The following REEP3 variants were observed in gnomAD, a reference collection of about 807,000 sequenced individuals.
The protein encoded by REEP3 is receptor expression-enhancing protein 3.
A neutral mutation model predicts 41.3 loss-of-function variants in REEP3; 20 were observed. That is an observed-to-expected ratio of 0.48 (90% CI 0.34 to 0.70). REEP3 has a LOEUF of 0.70. Ranked by LOEUF, REEP3 falls within the 30% of genes least tolerant of loss-of-function variation. REEP3 has a pLI of 0.01. For synonymous variants in REEP3, 104 were observed against 101.8 expected (o/e 1.02, Z -0.13); for missense variants, 271 against 308.8 (o/e 0.88, Z 0.92).
chr10:63,578,805 C>A (rs1233591488), intron 2 of REEP3, among the ~76,000 whole-genome samples: 1 of 152,102 alleles, frequency 6.6e-6, no homozygotes, highest in African/African-American at 2.4e-5. Flanking sequence ...TAAAGTAATA[C>A]ATACTGTCGT....
chr10:63,553,335 C>A (rs1955647124), intron 1 of REEP3, among the ~76,000 whole-genome samples: 2 of 151,660 alleles, frequency 1.3e-5, no homozygotes, highest in African/African-American at 4.8e-5. Flanking sequence ...GTTTCCAAAT[C>A]ATCACAAATT....
intron 1 of REEP3, among the ~76,000 whole-genome samples, chr10:63,540,259 A>C (rs1955516814): frequency 6.6e-6 from 1 of 152,228 alleles, no homozygotes; most frequent in Non-Finnish European, 1.5e-5. Context: ...TGGAAATGCA[A>C]TTTATATTTC....
At chr10:63,569,870 A>G (rs1347652822) in intron 2 of REEP3, among the ~76,000 whole-genome samples, 1 of 152,098 alleles carries the variant, frequency 6.6e-6, no homozygotes, top group Non-Finnish European at 1.5e-5. Flanking sequence ...TGAGCCTGGG[A>G]GTCGAGACTA....
At chr10:63,600,883 G>A (rs1309245861) in intron 5 of REEP3, among the ~76,000 whole-genome samples, 1 of 151,960 alleles carries the variant, frequency 6.6e-6, no homozygotes, top group Non-Finnish European at 1.5e-5. Flanking sequence ...GCCAGGCACA[G>A]TGGCTCACAC....
intron 6 of REEP3, among the ~76,000 whole-genome samples, chr10:63,612,417 G>T (rs909432225): frequency 1.9e-4 from 29 of 151,826 alleles, no homozygotes; most frequent in Admixed American, 1.6e-3. Context: ...AGCAGTCTGT[G>T]TGTCTTGGCC....
At chr10:63,558,016 T>C (rs1955705365) in intron 1 of REEP3, among the ~76,000 whole-genome samples, 1 of 152,220 alleles carries the variant, frequency 6.6e-6, no homozygotes, top group Non-Finnish European at 1.5e-5. Context: ...TGAAATTTCA[T>C]ATGTAGGGAT....
chr10:63,609,780 TATAA>T (rs1415632280), intron 5 of REEP3, among the ~76,000 whole-genome samples: 3 of 151,764 alleles, frequency 2.0e-5, no homozygotes, highest in Non-Finnish European at 4.4e-5. Flanking sequence ...AATAAATAAA[TATAA>T]ATAAATAAAA....
intron 5 of REEP3, among the ~76,000 whole-genome samples, chr10:63,604,650 T>TAA (rs933051037): frequency 6.6e-6 from 1 of 150,828 alleles, no homozygotes; most frequent in South Asian, 2.1e-4. Flanking sequence ...ATTATACACT[T>TAA]AAAAAAAAAG....
chr10:63,598,802 A>G (rs1956143801), intron 4 of REEP3, among the ~76,000 whole-genome samples: 2 of 150,704 alleles, frequency 1.3e-5, no homozygotes, highest in Non-Finnish European at 3.0e-5. Context: ...AAAAAAAAGA[A>G]GCGCCTGGGC....
intron 6 of REEP3, among the ~76,000 whole-genome samples, chr10:63,611,762 G>T (rs1288971805): frequency 6.6e-6 from 1 of 150,792 alleles, no homozygotes; most frequent in African/African-American, 2.4e-5. Flanking sequence ...CTTAAAAAAG[G>T]AAAAATATCT....
rs531942161 is a variant in REEP3 at position 63,528,283 on chromosome 10, T to TC, written c.32+6711dup. On this transcript the variant is annotated intron_variant, in intron 1 of 7. Transcript: ENST00000373758. ...CCCCATCTGGCTCCTCTGGCAGCTT[T>TC]CCCCCACTCTGTTAATGCCAGCTCC... 3.2e-3 allele frequency among the ~76,000 whole-genome samples: 491 copies of TC among 152,240 alleles called. 2 individuals carry two copies. Among genetic ancestry groups the TC allele is most frequent in the African/African-American group, 0.011 (476 of 41,548 alleles).
intron 2 of REEP3, among the ~76,000 whole-genome samples, chr10:63,581,281 A>G (rs539537454): frequency 6.6e-6 from 1 of 152,236 alleles, no homozygotes; most frequent in Non-Finnish European, 1.5e-5. Context: ...AGCTAGAGCT[A>G]TTCCTGAAGA....
At chr10:63,562,717 TAAAC>T (rs1234950554) in intron 1 of REEP3, 2 of 427,964 alleles carry the variant, frequency 4.7e-6, no homozygotes, top group African/African-American at 2.0e-5. Flanking sequence ...AATCAATTGG[TAAAC>T]AAACTAACTA....
At chr10:63,609,725 ATTCCAGCC>A (rs1259637902) in intron 5 of REEP3, among the ~76,000 whole-genome samples, 1 of 152,202 alleles carries the variant, frequency 6.6e-6, no homozygotes, top group Non-Finnish European at 1.5e-5. Flanking sequence ...ACGCCACTGC[ATTCCAGCC>A]TGGGCAACGG....
Position 63,528,783 on chromosome 10 carries a change from T to C in REEP3, c.32+7206T>C, listed in dbSNP as rs542810891. ...AGGTAAGACCTGAGAGCCTGGGCAC[T>C]TGATGGCCCCTGCCTCAGTGCACTT... On this transcript the variant is annotated intron_variant, in intron 1 of 7. Transcript: ENST00000373758. 2.0e-5 allele frequency among the ~76,000 whole-genome samples: 3 copies of C among 152,342 alleles called. No individual in the cohort carries two copies. In the East Asian group the frequency reaches 5.8e-4, roughly 29 times the overall value.
chr10:63,618,234 CTTCT>C (rs1401601894), intron 6 of REEP3, among the ~76,000 whole-genome samples: 2 of 113,276 alleles, frequency 1.8e-5, no homozygotes, highest in East Asian at 2.7e-4. Context: ...TTCTTTCCTT[CTTCT>C]TTTTTTTTTT....
rs1020014418 is a variant in REEP3 at position 63,553,963 on chromosome 10, G to A, written c.33-12375G>A. Among the ~76,000 whole-genome samples the A allele has an allele frequency of 1.4e-4, 21 of 152,152 alleles. No individual in the cohort carries two copies. The South Asian group carries it at 1.5e-3, about 11-fold the overall frequency. ...TAAAAATACAAAAAATTAGCTGGGC[G>A]TGGTGGCAGGCGCCTGTAGTCCCAG... On this transcript the variant is annotated intron_variant, in intron 1 of 7. Coordinates refer to ENST00000373758, the MANE Select transcript of REEP3 (RefSeq NM_001001330.3).
chr10:63,573,811 G>C (rs1221992828), intron 2 of REEP3, among the ~76,000 whole-genome samples: 4 of 152,062 alleles, frequency 2.6e-5, no homozygotes, highest in African/African-American at 4.8e-5. Flanking sequence ...TGTTTCCTAG[G>C]TATCTTTTGA....
At chr10:63,543,015 C>T (rs555960478) in intron 1 of REEP3, among the ~76,000 whole-genome samples, 3 of 152,158 alleles carry the variant, frequency 2.0e-5, no homozygotes, top group African/African-American at 7.2e-5. Context: ...TTTTATTATA[C>T]CCCAGTGCTC....
Sources: gnomAD v4.1 joint callset for allele counts (sites outside exome capture counted in the v4.1 genomes callset) on GRCh38, gnomAD v4.1.1 for gene constraint, MANE v1.5 for transcripts, NCBI Gene and HGNC (gene_info 2026-07-23, HGNC 2026-07-21) for gene names.